Variants in GRIP2 observed in about 807,000 individuals in gnomAD.
GRIP2 encodes glutamate receptor interacting protein 2, also known as glutamate receptor-interacting protein 2.
In GRIP2, 58 loss-of-function variants were observed where a neutral mutation model predicts 108.3. The observed-to-expected ratio is 0.54, with a 90% CI of 0.43 to 0.67. The LOEUF (loss-of-function observed/expected upper bound fraction) is 0.67. GRIP2 is among the 30% of genes least tolerant of loss of function. The pLI is 0.00. For missense variants in GRIP2, 1,278 were observed against 1,430.6 expected, an observed-to-expected ratio of 0.89 and a Z score of 1.72; for synonymous variants, 586 against 598.2, an observed-to-expected ratio of 0.98 and a Z score of 0.30.
intron 1 of GRIP2, among the ~76,000 whole-genome samples, chr3:14,526,309 T>C (rs1694552548): frequency 6.6e-6 from 1 of 151,950 alleles, no homozygotes; most frequent in Admixed American, 6.5e-5. Context: ...AGCTGGAGAG[T>C]TGTGCAATCT....
chr3:14,542,632 C>T (rs1039844742), upstream of GRIP2, among the ~76,000 whole-genome samples: 4 of 152,130 alleles, frequency 2.6e-5, no homozygotes, highest in Non-Finnish European at 4.4e-5. Flanking sequence ...AAGGTCATGC[C>T]GTGGATTATG....
intron 17 of GRIP2, 109 bp downstream of exon 17, chr3:14,509,711 G>T: frequency 8.8e-7 from 1 of 1,134,122 alleles, no homozygotes; most frequent in Non-Finnish European, 1.2e-6. Flanking sequence ...CACCCACAGT[G>T]TCAATGTTGG....
chr3:14,563,659 G>A, the GRIP2 span, among the ~76,000 whole-genome samples: 1 of 152,098 alleles, frequency 6.6e-6, no homozygotes, highest in East Asian at 1.9e-4. Context: ...TAGGGGAAGG[G>A]CACAGAACTC....
intron 22 of GRIP2, 108 bp downstream of exon 22, chr3:14,496,309 G>A (rs749590628): frequency 9.8e-6 from 9 of 916,812 alleles, no homozygotes; most frequent in Non-Finnish European, 1.4e-5. Flanking sequence ...TTTTGTGGTG[G>A]AGGAGACTAA....
At chr3:14,598,611 T>C in the GRIP2 span, among the ~76,000 whole-genome samples, 1 of 152,090 alleles carries the variant, frequency 6.6e-6, no homozygotes, top group Admixed American at 6.5e-5. Context: ...TTTTCGGAGC[T>C]AGCCCAAGCT....
At chr3:14,496,299 T>G in intron 22 of GRIP2, 118 bp downstream of exon 22, 2 of 816,778 alleles carry the variant, frequency 2.4e-6, no homozygotes, top group Non-Finnish European at 3.7e-6. Context: ...CTCAACCCAG[T>G]TTTGTGGTGG....
the GRIP2 span, among the ~76,000 whole-genome samples, chr3:14,571,048 T>A: frequency 1.3e-5 from 2 of 152,156 alleles, no homozygotes; most frequent in African/African-American, 4.8e-5. Context: ...CAGTGGCACA[T>A]ACCCTCTCCC....
chr3:14,601,068 A>T, the GRIP2 span, among the ~76,000 whole-genome samples: 26,570 of 143,146 alleles, frequency 0.19, 2,331 homozygotes, highest in Middle Eastern at 0.32. Context: ...TCTCTCTCTC[A>T]CACACACACA....
chr3:14,525,755 A>G (rs930280886), intron 2 of GRIP2, 96 bp downstream of exon 2: 3 of 1,358,838 alleles, frequency 2.2e-6, no homozygotes, highest in Non-Finnish European at 2.0e-6. Flanking sequence ...AAGGTCACAG[A>G]GCAAGTCAGT....
upstream of GRIP2, among the ~76,000 whole-genome samples, chr3:14,558,985 G>A (rs982085032): frequency 6.6e-6 from 1 of 152,182 alleles, no homozygotes; most frequent in Admixed American, 6.5e-5. Context: ...TGTCCATTAC[G>A]CCTGGCACTG....
Position 14,521,293 on chromosome 3 carries a change from G to C in GRIP2, c.712+349C>G, listed in dbSNP as rs933991317. Reference sequence around the variant, plus strand: ...TCATTCCCTCACTCCCCTAGTGAGAGAGCATCCCCCAGCCTGTCCCATCTC... The same window carrying C: ...TCATTCCCTCACTCCCCTAGTGAGACAGCATCCCCCAGCCTGTCCCATCTC... On this transcript the variant is annotated intron_variant, in intron 7 of 23. Transcript: ENST00000621039. The surrounding 1 kb of genome is among the most constrained non-coding windows in gnomAD (Gnocchi z 5.1). 5 of 214,726 alleles carry C rather than the reference G, an allele frequency of 2.3e-5. No individual in the cohort carries two copies. The highest frequency in any genetic ancestry group is 1.2e-4 in the African/African-American group (5 of 43,444). 13.3% of individuals were successfully genotyped at this position (214,726 alleles called of 1,614,324 possible). A position where few individuals can be genotyped will look rare whatever the true frequency, so the allele number is the denominator to read the frequency against.
upstream of GRIP2, among the ~76,000 whole-genome samples, chr3:14,540,606 T>C (rs1202439527): frequency 6.6e-6 from 1 of 152,170 alleles, no homozygotes; most frequent in Non-Finnish European, 1.5e-5. The surrounding 1 kb of genome is among the most constrained non-coding windows in gnomAD (Gnocchi z 4.1). Flanking sequence ...AGAGAGAGCC[T>C]GCTTCTAACT....
Position 14,521,515 on chromosome 3 carries a change from G to A in GRIP2, c.712+127C>T. 1.0e-6 allele frequency: 1 copy of A among 993,850 alleles called. No homozygotes were observed. The highest frequency in any genetic ancestry group is 1.5e-6 in the Non-Finnish European group (1 of 688,640). 61.6% of individuals were successfully genotyped at this position (993,850 alleles called of 1,614,324 possible). ...CACATACTATTTACTGCCCAGAGAA[G>A]CTGTGACTGGCCCAAGGTCATAAGG... On this transcript the variant is annotated intron_variant, in intron 7 of 23. Coordinates refer to ENST00000621039, the MANE Select transcript of GRIP2 (RefSeq NM_001080423.4). The surrounding 1 kb of genome is among the most constrained non-coding windows in gnomAD (Gnocchi z 5.1).
At chr3:14,564,595 T>A in the GRIP2 span, among the ~76,000 whole-genome samples, 2 of 152,244 alleles carry the variant, frequency 1.3e-5, no homozygotes, top group Non-Finnish European at 2.9e-5. Context: ...GACACAAGTC[T>A]GGGGCCTGCA....
chr3:14,534,466 A>C (rs1694786096), intron 1 of GRIP2, among the ~76,000 whole-genome samples: 1 of 152,082 alleles, frequency 6.6e-6, no homozygotes, highest in Non-Finnish European at 1.5e-5. Flanking sequence ...TTTCAAAAAC[A>C]TCTTTCCCAC....
At chr3:14,513,604 T>C (rs1040469028) in intron 13 of GRIP2, 61 bp downstream of exon 13, 24 of 1,543,596 alleles carry the variant, frequency 1.6e-5, no homozygotes, top group Non-Finnish European at 2.1e-5. Flanking sequence ...CGAGGCAGGA[T>C]AAAGAGAGGA....
rs775930482 is a variant in GRIP2, at chr3:14,493,736, G to T, written c.3061C>A (p.Arg1021Ser). 1.2e-6 allele frequency: 2 copies of T among 1,609,530 alleles called. No individual in the cohort carries two copies. Among genetic ancestry groups the T allele is most frequent in the Admixed American group, 1.7e-5 (1 of 59,406 alleles). ...CTGCTGTGTGCCGTGTGCGGCTTGC[G>T]GCTGATGATCAGCTCCAAGACATCA... ...AGDVLELIIS[R>S]KPHTAHSSRA... Residue 1021 changes from arginine to serine, a missense_variant, in exon 24 of 24, where the codon CGC becomes AGC. Arg to Ser is a moderately radical substitution (Grantham distance 110). Transcript: ENST00000621039.
At chr3:14,550,099 A>G (rs963236973) in intron 1 of GRIP2, among the ~76,000 whole-genome samples, 3 of 152,162 alleles carry the variant, frequency 2.0e-5, no homozygotes, top group African/African-American at 7.2e-5. Context: ...CACATGTTTG[A>G]GGACAGGGCT....
In GRIP2 at chr3:14,520,145, G is replaced by A. The variant is rs1412884070; in HGVS notation, c.995C>T (p.Pro332Leu). 3.7e-6 allele frequency: 6 copies of A among 1,609,172 alleles called. No homozygotes were observed. The African/African-American group carries it at 4.0e-5, about 11-fold the overall frequency. Residue 332 changes from proline to leucine, a missense_variant, in exon 9 of 24, where the codon CCC becomes CTC. Transcript: ENST00000621039. Reference sequence around the variant, plus strand: ...GGGCCTCAGTGGCCGCTGACTCTGGGGCACAGGCAGGATCTCCAGCCGCAC... The same window carrying A: ...GGGCCTCAGTGGCCGCTGACTCTGGAGCACAGGCAGGATCTCCAGCCGCAC... Reference protein sequence around the residue: ...EKVRLEILPVPQSQRPLRPSE... With the variant: ...EKVRLEILPVLQSQRPLRPSE...
Sources: allele counts gnomAD v4.1 joint callset (sites outside exome capture counted in the v4.1 genomes callset), GRCh38; gene constraint gnomAD v4.1.1; non-coding constraint Gnocchi (gnomAD v3.1); transcripts MANE v1.5; gene names NCBI Gene and HGNC (gene_info 2026-07-23, HGNC 2026-07-21).